The following CHSY3 variants were observed in gnomAD, a reference collection of about 807,000 sequenced individuals.
The protein encoded by CHSY3 is N-acetylgalactosaminyl-proteoglycan 3-beta-glucuronosyltransferase 3.
Under a neutral mutation model 67.2 loss-of-function variants are expected in CHSY3, and 35 were observed. The observed-to-expected ratio is 0.52, with a 90% CI of 0.40 to 0.69. The LOEUF (loss-of-function observed/expected upper bound fraction) is 0.69, where lower values mean the gene tolerates loss of function less well. CHSY3 is among the 30% of genes least tolerant of loss of function. CHSY3 has a pLI of 0.00. For missense variants in CHSY3, 1,069 were observed against 1,138.5 expected (o/e 0.94, Z 0.88); for synonymous variants, 474 against 434.7 (o/e 1.09, Z -1.12).
chr5:130,118,477 T>C (rs1767895064), intron 2 of CHSY3, among the ~76,000 whole-genome samples: 1 of 150,150 alleles, frequency 6.7e-6, no homozygotes, highest in Non-Finnish European at 1.5e-5. Flanking sequence ...CATACATATA[T>C]ATAATGTATA....
At chr5:130,059,699 C>A (rs1430296158) in intron 2 of CHSY3, among the ~76,000 whole-genome samples, 1 of 152,128 alleles carries the variant, frequency 6.6e-6, no homozygotes, top group Non-Finnish European at 1.5e-5. Flanking sequence ...TAACCGACTA[C>A]AACTACCCTA....
At position 130,119,899 on chromosome 5, in the gene CHSY3, G is replaced by T. The variant is rs140557102; in HGVS notation, c.1087-64330G>T. On this transcript the variant is annotated intron_variant, in intron 2 of 2. Coordinates refer to ENST00000305031, the MANE Select transcript of CHSY3 (RefSeq NM_175856.5). The stretch of plus-strand genomic sequence containing the variant: ...ATACCCATGAAAAAATAAATAAAAG[G>T]TAGCCTATCTATTTAAAATTTATTT... Among the ~76,000 whole-genome samples the T allele has an allele frequency of 9.2e-3, 1,406 of 152,114 alleles. 17 individuals carry two copies. Among genetic ancestry groups the T allele is most frequent in the African/African-American group, 0.031 (1,305 of 41,474 alleles).
chr5:130,118,411 C>G (rs182931315), intron 2 of CHSY3, among the ~76,000 whole-genome samples: 10 of 152,042 alleles, frequency 6.6e-5, no homozygotes, highest in Admixed American at 3.3e-4. Flanking sequence ...GATTGCACAT[C>G]TACAATTACT....
chr5:130,061,959 G>GTAAATTA (rs939768567), intron 2 of CHSY3, among the ~76,000 whole-genome samples: 5 of 151,614 alleles, frequency 3.3e-5, no homozygotes, highest in African/African-American at 1.2e-4. Context: ...TGGTAAGAAT[G>GTAAATTA]TAAATTAGTT....
At position 130,115,932 on chromosome 5, in the gene CHSY3, T is replaced by C. The variant is rs144952118; in HGVS notation, c.1087-68297T>C. Among the ~76,000 whole-genome samples, 474 of 152,286 alleles carry C rather than the reference T, an allele frequency of 3.1e-3. 4 individuals carry two copies. Among genetic ancestry groups the C allele is most frequent in the African/African-American group, 0.011 (442 of 41,556 alleles). On this transcript the variant is annotated intron_variant, in intron 2 of 2. Coordinates refer to ENST00000305031, the MANE Select transcript of CHSY3 (RefSeq NM_175856.5). ...TCTGACTGAGCTCACGTCGACCTCC[T>C]TCTACGATGGCTCAAAGACTCCTCT...
chr5:130,071,540 TGTGTG>T (rs1561523301), intron 2 of CHSY3, among the ~76,000 whole-genome samples: 3,383 of 106,032 alleles, frequency 0.032, 118 homozygotes, highest in African/African-American at 0.14. Context: ...TAGTTCATTG[TGTGTG>T]TGTGTGTGTG....
At chr5:130,055,135 G>A (rs560775708) in intron 2 of CHSY3, among the ~76,000 whole-genome samples, 1 of 152,238 alleles carries the variant, frequency 6.6e-6, no homozygotes, top group South Asian at 2.1e-4. Context: ...GGAAAATGAA[G>A]TGCAGCATGT....
chr5:129,970,398 TTAGATAGA>T (rs59639782), intron 2 of CHSY3, among the ~76,000 whole-genome samples: 62,165 of 145,518 alleles, frequency 0.43, 13,434 homozygotes, highest in Admixed American at 0.45. Context: ...GAGGAACAGA[TTAGATAGA>T]TAGATAGATA....
chr5:129,907,926 T>C (rs1760376495), intron 1 of CHSY3, 151 bp from the exon 2 acceptor site: 2 of 1,358,450 alleles, frequency 1.5e-6, no homozygotes, highest in Admixed American at 3.1e-5. Context: ...CTTTTAAAAA[T>C]AATAGAGTAT....
chr5:130,062,735 T>C (rs1269013835), intron 2 of CHSY3, among the ~76,000 whole-genome samples: 1 of 152,066 alleles, frequency 6.6e-6, no homozygotes, highest in African/African-American at 2.4e-5. Flanking sequence ...ACTATATTTG[T>C]TCTATTAATT....
At chr5:130,090,763 G>T (rs575991882) in intron 2 of CHSY3, among the ~76,000 whole-genome samples, 1 of 152,234 alleles carries the variant, frequency 6.6e-6, no homozygotes, top group East Asian at 1.9e-4. Context: ...TGCCCATTCA[G>T]TGTGATATCA....
At chr5:129,959,887 A>G (rs1167346411) in intron 2 of CHSY3, among the ~76,000 whole-genome samples, 5 of 152,192 alleles carry the variant, frequency 3.3e-5, no homozygotes, top group South Asian at 2.1e-4. Context: ...AATTTCTCTG[A>G]TATCATACTT....
intron 2 of CHSY3, among the ~76,000 whole-genome samples, chr5:129,990,377 A>AGT (rs34958818): frequency 0.53 from 77,701 of 147,216 alleles, 20,469 homozygotes; most frequent in Middle Eastern, 0.59. Flanking sequence ...TGAGTGAGTG[A>AGT]GTGTGTGTGT....
At chr5:130,051,513 C>T (rs1166768577) in intron 2 of CHSY3, among the ~76,000 whole-genome samples, 1 of 152,002 alleles carries the variant, frequency 6.6e-6, no homozygotes, top group Non-Finnish European at 1.5e-5. Context: ...ACTCATACCA[C>T]ATGGTATATA....
At chr5:129,928,853 AG>A (rs1178115404) in intron 2 of CHSY3, among the ~76,000 whole-genome samples, 1 of 152,156 alleles carries the variant, frequency 6.6e-6, no homozygotes, top group Non-Finnish European at 1.5e-5. Context: ...TGAGCTATAA[AG>A]GGGATTAAGT....
chr5:129,956,602 TG>T (rs1317950882), intron 2 of CHSY3, among the ~76,000 whole-genome samples: 1 of 152,070 alleles, frequency 6.6e-6, no homozygotes, highest in African/African-American at 2.4e-5. Flanking sequence ...CAATTGCTTT[TG>T]GCATATTCAT....
At chr5:129,945,577 T>C (rs1761828482) in intron 2 of CHSY3, among the ~76,000 whole-genome samples, 1 of 152,174 alleles carries the variant, frequency 6.6e-6, no homozygotes, top group South Asian at 2.1e-4. Flanking sequence ...TACTACTTTT[T>C]GGGCAAAGTT....
intron 2 of CHSY3, among the ~76,000 whole-genome samples, chr5:129,979,143 T>G (rs1157061033): frequency 7.8e-6 from 1 of 127,706 alleles, no homozygotes; most frequent in Admixed American, 1.1e-4. Context: ...GAGCTTGCAG[T>G]GAGCAGAGAT....
chr5:130,116,760 G>A (rs1233859407), intron 2 of CHSY3, among the ~76,000 whole-genome samples: 1 of 152,188 alleles, frequency 6.6e-6, no homozygotes, highest in Non-Finnish European at 1.5e-5. Context: ...GCGAAGGTCA[G>A]ATGATAAATT....
Sources: allele counts gnomAD v4.1 joint callset (sites outside exome capture counted in the v4.1 genomes callset), GRCh38; gene constraint gnomAD v4.1.1; transcripts MANE v1.5; gene names NCBI Gene and HGNC (gene_info 2026-07-23, HGNC 2026-07-21).